The following ATRNL1 variants were observed in gnomAD, a reference collection of about 807,000 sequenced individuals.
ATRNL1 encodes the protein attractin like 1, also known as attractin-like protein 1.
In ATRNL1, 95 loss-of-function variants were observed where a neutral mutation model predicts 182.7. The observed-to-expected ratio is 0.52, with a 90% CI of 0.44 to 0.62. The LOEUF (loss-of-function observed/expected upper bound fraction) is 0.62, where lower values mean the gene tolerates loss of function less well. ATRNL1 is among the 20% of genes least tolerant of loss of function. The pLI is 0.00. For missense variants in ATRNL1, 1,471 were observed against 1,679.5 expected, an observed-to-expected ratio of 0.88 and a Z score of 2.17; for synonymous variants, 576 against 568.3, an observed-to-expected ratio of 1.01 and a Z score of -0.19.
In ATRNL1 at chr10:115,429,679, T is replaced by C. The variant is rs55978927; in HGVS notation, c.3322+3377T>C. 3.5e-3 allele frequency among the ~76,000 whole-genome samples: 531 copies of C among 152,356 alleles called. 3 individuals are homozygous for C. The highest frequency in any genetic ancestry group is 6.0e-3 in the Non-Finnish European group (408 of 68,026). ...GATACTGCTAAATATTAGTTGTTTA[T>C]ATTTTAATTTAGAATATTTTTAGTA... On this transcript the variant is annotated intron_variant, in intron 21 of 28. Coordinates refer to ENST00000355044, the MANE Select transcript of ATRNL1 (RefSeq NM_207303.4).
intron 26 of ATRNL1, among the ~76,000 whole-genome samples, chr10:115,714,498 C>A (rs1490229030): frequency 4.6e-5 from 7 of 152,134 alleles, no homozygotes; most frequent in African/African-American, 1.7e-4. Flanking sequence ...ATTGCACAGG[C>A]CTGTCAAAGG....
At chr10:115,198,714 T>C (rs565551228) in intron 8 of ATRNL1, among the ~76,000 whole-genome samples, 1 of 152,202 alleles carries the variant, frequency 6.6e-6, no homozygotes, top group African/African-American at 2.4e-5. Context: ...AATTTTATTC[T>C]TCTGCATGTG....
chr10:115,271,115 A>G (rs1851841410), intron 13 of ATRNL1, among the ~76,000 whole-genome samples: 1 of 151,754 alleles, frequency 6.6e-6, no homozygotes, highest in African/African-American at 2.4e-5. Flanking sequence ...TGATATGAGC[A>G]TCTTATGTTA....
chr10:115,944,730 G>C lies in ATRNL1; in HGVS notation c.4091G>C (p.Gly1364Ala), dbSNP rs781919235. ...TCAGATAGTAAAGATAAGACTTCTGGAGTCCGGAATCGAAAACACCTTTCA... is the reference window on the plus strand; with the variant it reads ...TCAGATAGTAAAGATAAGACTTCTGCAGTCCGGAATCGAAAACACCTTTCA... ...KASDSKDKTS[G>A]VRNRKHLSTR... is the part of the protein sequence containing the mutation. The change falls in exon 29 of 29, where the codon GGA becomes GCA. Residue 1364 changes from glycine (G) to alanine (A), a missense_variant. This residue lies in a region of ATRNL1 where 437 missense variants were observed against 506.0 expected (regional missense o/e 0.86). Transcript: ENST00000355044. 2 of 1,613,678 alleles carry C rather than the reference G, an allele frequency of 1.2e-6. No homozygotes were observed. Among genetic ancestry groups the C allele is most frequent in the Non-Finnish European group, 1.7e-6 (2 of 1,179,752 alleles).
At position 115,210,505 on chromosome 10, in the gene ATRNL1, C is replaced by A. The variant is rs374160565; in HGVS notation, c.1349-5192C>A. Among the ~76,000 whole-genome samples, 8 of 152,050 alleles carry A rather than the reference C, an allele frequency of 5.3e-5. No homozygotes were observed. The East Asian group carries it at 9.7e-4, about 18-fold the overall frequency. ...CCTTTCTACCCTGGCTCCTCACAAC[C>A]ACCAGTTTGTTCTCCATTTTATAAT... On this transcript the variant is annotated intron_variant, in intron 8 of 28. Transcript: ENST00000355044.
At chr10:115,761,801 C>G (rs1948739652) in intron 27 of ATRNL1, among the ~76,000 whole-genome samples, 1 of 152,082 alleles carries the variant, frequency 6.6e-6, no homozygotes. Flanking sequence ...TAAATAAAAT[C>G]AGGCACAATA....
intron 28 of ATRNL1, among the ~76,000 whole-genome samples, chr10:115,862,728 A>G (rs1555103777): frequency 1.3e-5 from 2 of 152,200 alleles, no homozygotes; most frequent in Admixed American, 1.3e-4. Context: ...CTCCAGCAAT[A>G]TGAAACTACA....
At chr10:115,843,300 TA>T (rs2134343963) in intron 27 of ATRNL1, among the ~76,000 whole-genome samples, 1 of 152,034 alleles carries the variant, frequency 6.6e-6, no homozygotes, top group African/African-American at 2.4e-5. Flanking sequence ...GAAGTGAGCA[TA>T]GGGGATATAG....
At chr10:115,368,276 T>C (rs1412949361) in intron 19 of ATRNL1, among the ~76,000 whole-genome samples, 1 of 152,062 alleles carries the variant, frequency 6.6e-6, no homozygotes, top group Non-Finnish European at 1.5e-5. Flanking sequence ...CGGGTGGGAG[T>C]GACCCGATTT....
intron 27 of ATRNL1, among the ~76,000 whole-genome samples, chr10:115,741,653 G>A (rs926555432): frequency 6.6e-6 from 1 of 152,134 alleles, no homozygotes; most frequent in Non-Finnish European, 1.5e-5. Context: ...CAATTTGGAA[G>A]GGCAGGCGCT....
intron 24 of ATRNL1, among the ~76,000 whole-genome samples, chr10:115,482,999 T>A (rs1214090420): frequency 6.6e-6 from 1 of 151,380 alleles, no homozygotes; most frequent in Non-Finnish European, 1.5e-5. Context: ...ATTTTATTTG[T>A]TAAGTAAATA....
At chr10:115,410,803 T>C (rs1225722371) in intron 20 of ATRNL1, among the ~76,000 whole-genome samples, 3 of 152,138 alleles carry the variant, frequency 2.0e-5, no homozygotes, top group Admixed American at 2.0e-4. Flanking sequence ...AGTGATGCGA[T>C]CTTGGCTCAC....
intron 19 of ATRNL1, among the ~76,000 whole-genome samples, chr10:115,382,286 A>G (rs1027517747): frequency 1.4e-4 from 21 of 152,234 alleles, no homozygotes; most frequent in South Asian, 6.2e-4. Flanking sequence ...AAATTTATAT[A>G]TCATCTTACC....
At chr10:115,502,366 A>C (rs1467917165) in intron 24 of ATRNL1, among the ~76,000 whole-genome samples, 2 of 152,150 alleles carry the variant, frequency 1.3e-5, no homozygotes, top group Non-Finnish European at 2.9e-5. Flanking sequence ...AAAGTTTGTT[A>C]AATATCAAAG....
chr10:115,928,700 A>AT (rs562224121), intron 28 of ATRNL1, among the ~76,000 whole-genome samples: 46 of 151,926 alleles, frequency 3.0e-4, no homozygotes, highest in African/African-American at 9.2e-4. Flanking sequence ...AGTAAAACAG[A>AT]TTTTTTTTAA....
intron 19 of ATRNL1, among the ~76,000 whole-genome samples, chr10:115,367,110 G>A (rs1352942928): frequency 2.2e-5 from 2 of 91,236 alleles, no homozygotes; most frequent in Non-Finnish European, 4.9e-5. Flanking sequence ...ATCCTGCAGA[G>A]TGTTTTCCAA....
At chr10:115,911,275 C>T (rs1273639079) in intron 28 of ATRNL1, among the ~76,000 whole-genome samples, 8 of 152,018 alleles carry the variant, frequency 5.3e-5, no homozygotes, top group Non-Finnish European at 1.0e-4. Context: ...GCTAGGATTA[C>T]AGACATGAGC....
At chr10:115,854,046 A>G (rs1017690113) in intron 28 of ATRNL1, among the ~76,000 whole-genome samples, 2 of 152,220 alleles carry the variant, frequency 1.3e-5, no homozygotes, top group Non-Finnish European at 2.9e-5. Flanking sequence ...ACTATAGTGA[A>G]CCAAACAGTG....
intron 21 of ATRNL1, among the ~76,000 whole-genome samples, chr10:115,440,003 ATTAT>A (rs1554965425): frequency 6.6e-6 from 1 of 151,714 alleles, no homozygotes; most frequent in Admixed American, 6.6e-5. Context: ...AATTTGTTTA[ATTAT>A]TTATTTATAT....
Sources: gnomAD v4.1 joint callset for allele counts (sites outside exome capture counted in the v4.1 genomes callset) on GRCh38, gnomAD v4.1.1 for gene constraint, gnomAD v4.1.1 regional missense constraint, MANE v1.5 for transcripts, NCBI Gene and HGNC (gene_info 2026-07-23, HGNC 2026-07-21) for gene names.